FAT3: variants seen among roughly 807,000 people sequenced by gnomAD.
FAT3 encodes the protein protocadherin Fat 3.
Under a neutral mutation model 310.2 loss-of-function variants are expected in FAT3, and 95 were observed. The observed-to-expected ratio is 0.31, with a 90% confidence interval of 0.26 to 0.36. The LOEUF is 0.36. FAT3 is among the 10% of genes least tolerant of loss of function. FAT3 has a pLI of 1.00. For missense variants in FAT3, 5,408 were observed against 5,715.6 expected, an observed-to-expected ratio of 0.95 and a Z score of 1.74; for synonymous variants, 2,314 against 2,192.9, an observed-to-expected ratio of 1.06 and a Z score of -1.54.
chr11:92,271,767 G>T (rs1484055270), intron 1 of FAT3, among the ~76,000 whole-genome samples: 4 of 152,238 alleles, frequency 2.6e-5, no homozygotes, highest in Admixed American at 6.5e-5. Context: ...TTAGTAAATT[G>T]GGTTTGCCCC....
At chr11:92,483,809 A>G (rs1952300809) in intron 2 of FAT3, among the ~76,000 whole-genome samples, 1 of 152,192 alleles carries the variant, frequency 6.6e-6, no homozygotes, top group Non-Finnish European at 1.5e-5. Context: ...ACACTCAGTA[A>G]ATGCCCATTT....
intron 23 of FAT3, 146 bp from the exon 24 acceptor site, chr11:92,882,592 C>CA: frequency 3.5e-6 from 2 of 563,586 alleles, no homozygotes; most frequent in South Asian, 6.2e-5. Flanking sequence ...CCCTCCCCCC[C>CA]CCCACCAACC....
chr11:92,803,703 A>G (rs1335555345), intron 10 of FAT3, among the ~76,000 whole-genome samples: 1 of 152,088 alleles, frequency 6.6e-6, no homozygotes, highest in Non-Finnish European at 1.5e-5. Flanking sequence ...AGCACATACC[A>G]CCACCATCAC....
intron 22 of FAT3, among the ~76,000 whole-genome samples, chr11:92,871,696 C>A (rs749283605): frequency 6.6e-6 from 1 of 152,182 alleles, no homozygotes; most frequent in Non-Finnish European, 1.5e-5. Context: ...CATTTCTGAA[C>A]TTTCCTACCG....
chr11:92,456,821 C>T (rs573588168), intron 2 of FAT3, among the ~76,000 whole-genome samples: 3 of 152,068 alleles, frequency 2.0e-5, no homozygotes, highest in South Asian at 2.1e-4. Context: ...CAGTCTGTAC[C>T]GTGGCATGTG....
At chr11:92,403,907 G>T (rs976095406) in intron 2 of FAT3, among the ~76,000 whole-genome samples, 4 of 151,984 alleles carry the variant, frequency 2.6e-5, no homozygotes, top group African/African-American at 9.7e-5. Context: ...ATGGTGGTGG[G>T]TGCCTGTGGT....
In FAT3 at chr11:92,285,847, A is replaced by G. The variant is rs375384727; in HGVS notation, c.-18+60673A>G. Among the ~76,000 whole-genome samples the G allele has an allele frequency of 2.0e-5, 3 of 152,214 alleles. No homozygotes were observed. The East Asian group carries it at 5.8e-4, about 29-fold the overall frequency. On this transcript the variant is annotated intron_variant, in intron 1 of 27. Transcript: ENST00000525166. ...TGAATTAAGGTAGCAGAGGGTAGAA[A>G]TGGCAATGTGGCTTATTTGGAGGAT...
intron 7 of FAT3, among the ~76,000 whole-genome samples, chr11:92,788,148 A>G (rs1159178766): frequency 6.6e-6 from 1 of 152,184 alleles, no homozygotes; most frequent in Non-Finnish European, 1.5e-5. Context: ...AACACTGGAA[A>G]AAATTACTGG....
Position 92,325,423 on chromosome 11 carries a change from T to C in FAT3, c.-17-26673T>C, listed in dbSNP as rs560405487. ...TGAGTATAACAGTTTTTTGTTGTTG[T>C]TGTTTGTTTTTTGTTTTTACCTTAG... On this transcript the variant is annotated intron_variant, in intron 1 of 27. Transcript: ENST00000525166. Among the ~76,000 whole-genome samples, 7 of 152,294 alleles carry C rather than the reference T, an allele frequency of 4.6e-5. No individual in the cohort carries two copies. The East Asian group carries it at 1.4e-3, about 29-fold the overall frequency.
chr11:92,384,835 C>T (rs184922006), intron 2 of FAT3, among the ~76,000 whole-genome samples: 60 of 152,330 alleles, frequency 3.9e-4, no homozygotes, highest in Non-Finnish European at 7.2e-4. Flanking sequence ...TGGGGCTCCT[C>T]TTCTCTAGCT....
chr11:92,699,814 C>A (rs1168744037), intron 4 of FAT3, among the ~76,000 whole-genome samples: 1 of 152,180 alleles, frequency 6.6e-6, no homozygotes, highest in Non-Finnish European at 1.5e-5. Flanking sequence ...TCCAGTGGTG[C>A]TAAGTAGGTG....
At chr11:92,396,128 T>C (rs975534266) in intron 2 of FAT3, among the ~76,000 whole-genome samples, 1 of 152,116 alleles carries the variant, frequency 6.6e-6, no homozygotes, top group Non-Finnish European at 1.5e-5. Flanking sequence ...CCTACAAGCA[T>C]AGGAGTAAAT....
Position 92,891,014 on chromosome 11 carries a change from T to C in FAT3, c.13671T>C (p.Asp4557=), listed in dbSNP as rs752116444. The change falls in exon 28 of 28, where the codon GAT becomes GAC. Residue 4557 remains aspartate (D), a synonymous_variant. Coordinates refer to ENST00000525166, the MANE Select transcript of FAT3 (RefSeq NM_001367949.2). ...TGTCTGCCAACTGCGGCTTTGACGA[T>C]TCCGAAGTAGCCATGAGTGACTACG... The part of the protein sequence containing the change: ...SDVSANCGFD[D]SEVAMSDYES... 2 of 1,613,930 alleles carry C rather than the reference T, an allele frequency of 1.2e-6. No homozygotes were observed. The highest frequency in any genetic ancestry group is 2.2e-5 in the South Asian group (2 of 91,068).
chr11:92,659,535 T>C (rs1305994631), intron 3 of FAT3, among the ~76,000 whole-genome samples: 1 of 152,208 alleles, frequency 6.6e-6, no homozygotes, highest in Non-Finnish European at 1.5e-5. Context: ...TTACACCTTT[T>C]CTCACACTTC....
intron 3 of FAT3, among the ~76,000 whole-genome samples, chr11:92,563,235 A>C (rs1955297353): frequency 6.8e-6 from 1 of 147,200 alleles, no homozygotes; most frequent in African/African-American, 2.5e-5. Context: ...CTGAACATAA[A>C]AATAATTCTC....
intron 1 of FAT3, among the ~76,000 whole-genome samples, chr11:92,324,284 A>G (rs1455995736): frequency 2.0e-5 from 3 of 152,236 alleles, no homozygotes; most frequent in South Asian, 2.1e-4. Context: ...CCTAGCTTTC[A>G]GCACATCTTG....
chr11:92,452,884 C>A (rs1951397973), intron 2 of FAT3, among the ~76,000 whole-genome samples: 1 of 152,090 alleles, frequency 6.6e-6, no homozygotes, highest in South Asian at 2.1e-4. Flanking sequence ...AGCAACCCTC[C>A]CACCTCTGCC....
intron 7 of FAT3, among the ~76,000 whole-genome samples, chr11:92,783,974 C>T (rs898983948): frequency 6.6e-6 from 1 of 152,100 alleles, no homozygotes; most frequent in Non-Finnish European, 1.5e-5. Context: ...TAGGATTTCT[C>T]TATAGCAAAG....
At chr11:92,841,858 C>T (rs1341244654) in intron 18 of FAT3, among the ~76,000 whole-genome samples, 1 of 152,224 alleles carries the variant, frequency 6.6e-6, no homozygotes, top group East Asian at 1.9e-4. Context: ...CATCATGCTA[C>T]TGTGGCAGGA....
Sources: allele counts gnomAD v4.1 joint callset (sites outside exome capture counted in the v4.1 genomes callset), GRCh38; gene constraint gnomAD v4.1.1; transcripts MANE v1.5; gene names NCBI Gene and HGNC (gene_info 2026-07-23, HGNC 2026-07-21).